Variants in XYLB observed in about 807,000 individuals in gnomAD.
XYLB encodes xylulokinase.
In XYLB, 62 loss-of-function variants were observed where a neutral mutation model predicts 78.7. The observed-to-expected ratio is 0.79, with a 90% confidence interval of 0.64 to 0.97. The LOEUF (loss-of-function observed/expected upper bound fraction) is 0.97. Ranked by LOEUF, XYLB falls within the 50% of genes least tolerant of loss-of-function variation. The probability of loss-of-function intolerance (pLI) is 0.00; values close to 1 mark genes in which losing one functional copy is unlikely to be tolerated. For synonymous variants in XYLB, 245 were observed against 247.4 expected (o/e 0.99, Z 0.09); for missense variants, 687 against 676.8 (o/e 1.02, Z -0.17).
chr3:38,442,268 T>C, the XYLB span, among the ~76,000 whole-genome samples: 1 of 152,164 alleles, frequency 6.6e-6, no homozygotes, highest in Non-Finnish European at 1.5e-5. Flanking sequence ...CTTGATTAGC[T>C]AGAAAGTTTA....
intron 18 of XYLB, among the ~76,000 whole-genome samples, chr3:38,412,475 T>G (rs1708635443): frequency 6.6e-6 from 1 of 152,168 alleles, no homozygotes; most frequent in Non-Finnish European, 1.5e-5. Flanking sequence ...GTCTGAATGT[T>G]TAGTGGTATC....
Position 38,346,934 on chromosome 3 carries a change from G to T in XYLB, c.57+9G>T. ...ACTTCAGCACGCAGCAGGTACAGTC[G>T]CCTGGCCGCAGGGCCACGGGGCCGC... On this transcript the variant is annotated intron_variant, in intron 1 of 18. Coordinates refer to ENST00000207870, the MANE Select transcript of XYLB (RefSeq NM_005108.4). 1 of 1,471,944 alleles carries T rather than the reference G, an allele frequency of 6.8e-7. No individual in the cohort carries two copies. The highest frequency in any genetic ancestry group is 9.0e-7 in the Non-Finnish European group (1 of 1,109,196). The allele number at this position is 1,471,944 out of a possible 1,614,324, so 91.2% of individuals were successfully genotyped here.
At position 38,348,613 on chromosome 3, in the gene XYLB, A is replaced by T; in HGVS notation, c.121A>T (p.Arg41Ter). Reference protein sequence around the residue: ...VFYEESVHFDRDLPEFGTQGG... With the variant: ...VFYEESVHFD Reference sequence around the variant, plus strand: ...CTATGAGGAAAGTGTGCATTTTGACAGAGATCTTCCAGAATTTGGGTATGT... The same window carrying T: ...CTATGAGGAAAGTGTGCATTTTGACTGAGATCTTCCAGAATTTGGGTATGT... Residue 41 changes from arginine to a stop codon, truncating the protein, a stop_gained, in exon 2 of 19, where the codon AGA becomes TGA. Coordinates refer to ENST00000207870, the MANE Select transcript of XYLB (RefSeq NM_005108.4). LOFTEE classifies it high-confidence loss of function. 1 of 1,614,198 alleles carries T rather than the reference A, an allele frequency of 6.2e-7. No homozygotes were observed. The highest frequency in any genetic ancestry group is 1.1e-5 in the South Asian group (1 of 91,080).
Position 38,372,727 on chromosome 3 carries a change from G to A in XYLB, c.838G>A (p.Asp280Asn). The part of the protein sequence containing the change: ...PGCKVVAFTG[D>N]NPASLAGMRL... ...ATGCAAAGTGGTGGCCTTCACTGGG[G>A]ACAACCCAGGTGAGTATCTCGGGGA... Residue 280 changes from aspartate (D) to asparagine (N), a missense_variant, in exon 10 of 19, where the codon GAC (aspartate) becomes AAC (asparagine). Asp to Asn is a conservative substitution (Grantham distance 23, BLOSUM62 1). Coordinates refer to ENST00000207870, the MANE Select transcript of XYLB (RefSeq NM_005108.4). 2 of 1,614,108 alleles carry A rather than the reference G, an allele frequency of 1.2e-6. No individual in the cohort carries two copies. The highest frequency in any genetic ancestry group is 2.7e-5 in the African/African-American group (2 of 75,012).
At chr3:38,432,914 CTGGAGGA>C in the XYLB span, among the ~76,000 whole-genome samples, 1 of 152,206 alleles carries the variant, frequency 6.6e-6, no homozygotes, top group East Asian at 1.9e-4. Flanking sequence ...ACTCTGGGGT[CTGGAGGA>C]TGGTGGCCCT....
chr3:38,407,836 G>A (rs201130728), intron 18 of XYLB, among the ~76,000 whole-genome samples: 71,340 of 145,060 alleles, frequency 0.49, 18,932 homozygotes, highest in Non-Finnish European at 0.6. Context: ...AGAGCTAACT[G>A]TCCTAAATAT....
rs1349434943 is a variant in XYLB, at chr3:38,414,889, TC to T, written c.*1877del. 1 of 152,132 alleles carries T rather than the reference TC, an allele frequency of 6.6e-6. No individual in the cohort carries two copies. The highest frequency in any genetic ancestry group is 2.4e-5 in the African/African-American group (1 of 41,428). The allele number at this position is 152,132 out of a possible 1,614,324, so 9.4% of individuals were successfully genotyped here. ...AAGATGATACAGGTAAGATTGGAAC[TC>T]ATGAAGACAAAAGATAAGACAGTGG... On this transcript the variant is annotated 3_prime_UTR_variant, in exon 19 of 19. Transcript: ENST00000207870.
chr3:38,374,315 C>T (rs562899984), intron 10 of XYLB, 147 bp from the exon 11 acceptor site: 17 of 1,091,260 alleles, frequency 1.6e-5, no homozygotes, highest in South Asian at 5.6e-5. Flanking sequence ...GCCTCCTGAG[C>T]GCTCAGCTCC....
chr3:38,391,096 A>G (rs1244536979), intron 15 of XYLB, among the ~76,000 whole-genome samples: 1 of 151,962 alleles, frequency 6.6e-6, no homozygotes, highest in Non-Finnish European at 1.5e-5. Flanking sequence ...GCGGACGCTT[A>G]TAGCCTACTC....
chr3:38,417,653 G>A (rs1051330874), downstream of XYLB, among the ~76,000 whole-genome samples: 2 of 152,000 alleles, frequency 1.3e-5, no homozygotes, highest in Non-Finnish European at 2.9e-5. Flanking sequence ...AGGCCAAGGC[G>A]GGCGGATCAT....
chr3:38,412,957 C>G lies in XYLB; in HGVS notation c.1555C>G (p.Gln519Glu). 1.9e-6 allele frequency: 3 copies of G among 1,605,620 alleles called. No individual in the cohort carries two copies. The highest frequency in any genetic ancestry group is 2.6e-6 in the Non-Finnish European group (3 of 1,176,462). Residue 519 changes from glutamine (Q) to glutamate (E), a missense_variant, in exon 19 of 19, where the codon CAG becomes GAG. Physicochemically the swap from Gln to Glu is conservative, Grantham distance 29. Transcript: ENST00000207870. ...CTAGGTCTACGAGGCCCTTCTCCCC[C>G]AGTATGCCAAACTCGAGCAGAGAAT... ...ASQVYEALLP[Q>E]YAKLEQRILS...
chr3:38,399,958 C>T (rs986028805), intron 17 of XYLB, among the ~76,000 whole-genome samples: 3 of 152,184 alleles, frequency 2.0e-5, no homozygotes, highest in Non-Finnish European at 4.4e-5. Context: ...CTGCTGTCCA[C>T]CCCACCACCA....
At chr3:38,419,169 C>T (rs1455927840), downstream of XYLB, among the ~76,000 whole-genome samples, 4 of 152,120 alleles carry the variant, frequency 2.6e-5, no homozygotes, top group Non-Finnish European at 4.4e-5. Flanking sequence ...GCTTATTCCA[C>T]TTCGTGTGAT....
At chr3:38,395,474 A>G (rs375003448) in intron 15 of XYLB, 31 bp from the exon 16 acceptor site, 15 of 1,611,736 alleles carry the variant, frequency 9.3e-6, no homozygotes, top group Non-Finnish European at 1.3e-5. Flanking sequence ...GAACTGGCAT[A>G]GCTATTTTAC....
intron 4 of XYLB, among the ~76,000 whole-genome samples, chr3:38,364,857 G>T (rs1217408266): frequency 6.6e-6 from 1 of 152,222 alleles, no homozygotes; most frequent in Non-Finnish European, 1.5e-5. Context: ...TTGAATGAAT[G>T]AATGAATGAA....
At chr3:38,448,086 T>C in the XYLB span, among the ~76,000 whole-genome samples, 1 of 152,112 alleles carries the variant, frequency 6.6e-6, no homozygotes, top group Non-Finnish European at 1.5e-5. Context: ...AACCCTGTCA[T>C]TGGCAGCATC....
At chr3:38,424,141 AAATAG>A (rs1460853987), downstream of XYLB, among the ~76,000 whole-genome samples, 1 of 152,184 alleles carries the variant, frequency 6.6e-6, no homozygotes, top group Non-Finnish European at 1.5e-5. Flanking sequence ...AAGCTCAAAT[AAATAG>A]AATAGATCCA....
chr3:38,384,152 C>T (rs1016844353), intron 15 of XYLB, among the ~76,000 whole-genome samples: 3 of 152,028 alleles, frequency 2.0e-5, no homozygotes, highest in South Asian at 2.1e-4. Flanking sequence ...CTACAACCTC[C>T]GCCTCCCGGG....
At chr3:38,383,758 A>C (rs1402275972) in intron 15 of XYLB, among the ~76,000 whole-genome samples, 3 of 152,056 alleles carry the variant, frequency 2.0e-5, no homozygotes, top group African/African-American at 7.2e-5. Flanking sequence ...GCACCACTTC[A>C]CTCTAGCCTG....
Sources: gnomAD v4.1 joint callset for allele counts (sites outside exome capture counted in the v4.1 genomes callset) on GRCh38, gnomAD v4.1.1 for gene constraint, MANE v1.5 for transcripts, NCBI Gene and HGNC (gene_info 2026-07-23, HGNC 2026-07-21) for gene names.